The following FCHSD2 variants were observed in gnomAD, a reference collection of about 807,000 sequenced individuals.
FCHSD2 encodes F-BAR and double SH3 domains protein 2.
Under a neutral mutation model 108.1 loss-of-function variants are expected in FCHSD2, and 38 were observed. The ratio of observed to expected loss-of-function variants is 0.35; its 90% CI spans 0.27 to 0.46. FCHSD2 has a LOEUF of 0.46. Ranked by LOEUF, FCHSD2 falls within the 20% of genes least tolerant of loss-of-function variation. The pLI is 1.00. For missense variants in FCHSD2, 751 were observed against 897.8 expected, an observed-to-expected ratio of 0.84 and a Z score of 2.09; for synonymous variants, 279 against 314.7, an observed-to-expected ratio of 0.89 and a Z score of 1.20.
At chr11:72,880,353 C>T (rs530958424) in intron 12 of FCHSD2, among the ~76,000 whole-genome samples, 71 of 152,234 alleles carry the variant, frequency 4.7e-4, no homozygotes, top group Non-Finnish European at 8.5e-4. Flanking sequence ...GGAGGTAATA[C>T]ACTACCTGAC....
intron 12 of FCHSD2, among the ~76,000 whole-genome samples, chr11:72,872,493 G>A (rs1854883064): frequency 6.6e-6 from 1 of 151,824 alleles, no homozygotes; most frequent in Non-Finnish European, 1.5e-5. Context: ...TCTACTTTCT[G>A]TCTATAAAGA....
intron 3 of FCHSD2, among the ~76,000 whole-genome samples, chr11:73,025,006 GT>G (rs748814318): frequency 2.6e-5 from 4 of 152,178 alleles, no homozygotes; most frequent in Non-Finnish European, 5.9e-5. Flanking sequence ...AGTTGGCAAG[GT>G]CGTGGAGAAA....
At chr11:72,972,499 G>T (rs1044876732) in intron 8 of FCHSD2, among the ~76,000 whole-genome samples, 4 of 152,130 alleles carry the variant, frequency 2.6e-5, no homozygotes, top group Admixed American at 6.5e-5. Context: ...ACACAAAGAG[G>T]AAACAGGCTC....
intron 3 of FCHSD2, among the ~76,000 whole-genome samples, chr11:73,018,435 T>G (rs1420660542): frequency 6.6e-6 from 1 of 152,186 alleles, no homozygotes; most frequent in Non-Finnish European, 1.5e-5. Context: ...ACTCTATTTA[T>G]GCATAATCAT....
intron 8 of FCHSD2, among the ~76,000 whole-genome samples, chr11:72,923,665 G>C (rs1046362392): frequency 1.3e-5 from 2 of 152,104 alleles, no homozygotes; most frequent in African/African-American, 4.8e-5. Flanking sequence ...TGTCAGGTTG[G>C]GTGTGGTGGG....
At chr11:72,865,444 G>A (rs961990643) in intron 13 of FCHSD2, among the ~76,000 whole-genome samples, 5 of 152,088 alleles carry the variant, frequency 3.3e-5, no homozygotes, top group Admixed American at 6.5e-5. Flanking sequence ...GAAAAACGTC[G>A]GATGGAATTG....
chr11:73,097,511 T>C (rs1193318564), intron 2 of FCHSD2, among the ~76,000 whole-genome samples: 1 of 148,408 alleles, frequency 6.7e-6, no homozygotes, highest in African/African-American at 2.6e-5. Flanking sequence ...TTTTCTTCTG[T>C]TTTTTTGGAA....
intron 4 of FCHSD2, among the ~76,000 whole-genome samples, chr11:73,009,479 G>T (rs1208109541): frequency 6.6e-6 from 1 of 152,054 alleles, no homozygotes; most frequent in African/African-American, 2.4e-5. Context: ...CCTGGGTGAT[G>T]GAGTGAGAAG....
chr11:72,973,628 A>C (rs1223864359), intron 8 of FCHSD2, among the ~76,000 whole-genome samples: 3 of 152,202 alleles, frequency 2.0e-5, no homozygotes, highest in African/African-American at 7.2e-5. Context: ...GGGAGGGGTC[A>C]CCTGGGAGAT....
At chr11:73,113,703 T>C (rs1860544842) in intron 2 of FCHSD2, among the ~76,000 whole-genome samples, 1 of 152,144 alleles carries the variant, frequency 6.6e-6, no homozygotes, top group South Asian at 2.1e-4. Context: ...TTCCAGGCAT[T>C]TGAAGAAACA....
chr11:72,872,282 TTTTC>T (rs1358992958), intron 12 of FCHSD2, among the ~76,000 whole-genome samples: 4 of 66,752 alleles, frequency 6.0e-5, no homozygotes, highest in African/African-American at 2.6e-4. Context: ...TTTTTTTTTC[TTTTC>T]TTTTTTTTTT....
chr11:73,008,290 G>C (rs1857785860), intron 4 of FCHSD2, among the ~76,000 whole-genome samples: 1 of 152,142 alleles, frequency 6.6e-6, no homozygotes, highest in Non-Finnish European at 1.5e-5. Flanking sequence ...AGTGGGCCAA[G>C]ACTGTACCAC....
chr11:72,900,675 T>TAAAA (rs61105502), intron 10 of FCHSD2, among the ~76,000 whole-genome samples: 6 of 148,264 alleles, frequency 4.0e-5, no homozygotes, highest in Non-Finnish European at 4.5e-5. Flanking sequence ...CTGATTTGAT[T>TAAAA]AAAAAAAAAA....
At chr11:73,111,454 T>C (rs1287871533) in intron 2 of FCHSD2, among the ~76,000 whole-genome samples, 1 of 141,914 alleles carries the variant, frequency 7.0e-6, no homozygotes, top group East Asian at 1.9e-4. Flanking sequence ...TGGAATATCT[T>C]TCTCCATCCT....
chr11:72,853,107 A>G (rs1420576316), intron 13 of FCHSD2, among the ~76,000 whole-genome samples: 2 of 152,218 alleles, frequency 1.3e-5, no homozygotes, highest in African/African-American at 2.4e-5. Flanking sequence ...GTTTACCTAT[A>G]TAACAAACCT....
At chr11:73,107,123 G>A (rs974998262) in intron 2 of FCHSD2, among the ~76,000 whole-genome samples, 6 of 152,014 alleles carry the variant, frequency 3.9e-5, no homozygotes, top group African/African-American at 1.5e-4. Context: ...TGCAACCTCC[G>A]CCTCCTGGGT....
At chr11:72,867,781 T>G in intron 13 of FCHSD2, 84 bp downstream of exon 13, 2 of 1,171,586 alleles carry the variant, frequency 1.7e-6, no homozygotes, top group Non-Finnish European at 2.4e-6. Context: ...TTTAAAAAAT[T>G]TTGGCTATTA....
chr11:73,133,201 A>G (rs1414397915), intron 2 of FCHSD2, among the ~76,000 whole-genome samples: 2 of 152,214 alleles, frequency 1.3e-5, no homozygotes, highest in Non-Finnish European at 2.9e-5. Flanking sequence ...ATTTTGGAAA[A>G]CAGTTTGAAA....
At chr11:73,141,513 C>G (rs930739195) in intron 1 of FCHSD2, among the ~76,000 whole-genome samples, 1 of 152,268 alleles carries the variant, frequency 6.6e-6, no homozygotes, top group Non-Finnish European at 1.5e-5. Flanking sequence ...CTCTGCAAAG[C>G]TGCAGGGGCG....
Sources: gnomAD v4.1 joint callset for allele counts (sites outside exome capture counted in the v4.1 genomes callset) on GRCh38, gnomAD v4.1.1 for gene constraint, MANE v1.5 for transcripts, NCBI Gene and HGNC (gene_info 2026-07-23, HGNC 2026-07-21) for gene names.